Variants in ZSWIM5 observed in about 807,000 individuals in gnomAD.
ZSWIM5 encodes zinc finger SWIM-type containing 5.
A neutral mutation model predicts 119.6 loss-of-function variants in ZSWIM5; 55 were observed. The observed-to-expected ratio is 0.46, with a 90% confidence interval of 0.37 to 0.58. ZSWIM5 has a LOEUF of 0.58. Ranked by LOEUF, ZSWIM5 falls within the 20% of genes least tolerant of loss-of-function variation. The probability of loss-of-function intolerance (pLI) is 0.00; values close to 1 mark genes in which losing one functional copy is unlikely to be tolerated. For missense variants in ZSWIM5, 1,193 were observed against 1,512.8 expected (o/e 0.79, Z 3.51); for synonymous variants, 537 against 606.9 (o/e 0.88, Z 1.69).
chr1:45,034,594 G>T (rs2148991184), intron 10 of ZSWIM5, 125 bp from the exon 11 acceptor site: 2 of 1,204,116 alleles, frequency 1.7e-6, no homozygotes, highest in Admixed American at 2.7e-5. Context: ...GAGCTTTGAA[G>T]GTTTTTAAAC....
intron 1 of ZSWIM5, among the ~76,000 whole-genome samples, chr1:45,148,761 A>T (rs1645777694): frequency 6.6e-6 from 1 of 152,246 alleles, no homozygotes; most frequent in Non-Finnish European, 1.5e-5. Context: ...AGACAAAGCT[A>T]TACACAGTGA....
intron 1 of ZSWIM5, among the ~76,000 whole-genome samples, chr1:45,118,737 CAAAAAAA>C (rs60441320): frequency 0.22 from 21,379 of 95,338 alleles, 1,952 homozygotes; most frequent in African/African-American, 0.33. Flanking sequence ...GAACCTGTCT[CAAAAAAA>C]AAAAAAAAAA....
intron 1 of ZSWIM5, among the ~76,000 whole-genome samples, chr1:45,103,178 T>C (rs922414165): frequency 2.0e-5 from 3 of 152,208 alleles, no homozygotes; most frequent in Non-Finnish European, 2.9e-5. Context: ...CGGCTCATAA[T>C]TGATATTTAT....
At chr1:45,202,999 A>G (rs2149058255) in intron 1 of ZSWIM5, among the ~76,000 whole-genome samples, 1 of 152,142 alleles carries the variant, frequency 6.6e-6, no homozygotes, top group South Asian at 2.1e-4. Context: ...TATGTTTTCA[A>G]TAGAGTTCAT....
intron 2 of ZSWIM5, among the ~76,000 whole-genome samples, chr1:45,066,039 A>T: frequency 9.5e-6 from 1 of 105,578 alleles, no homozygotes; most frequent in African/African-American, 3.8e-5. Context: ...CAGTCCCCGG[A>T]GTGTGATGTT....
chr1:45,085,272 T>TG (rs1645320154), intron 2 of ZSWIM5, among the ~76,000 whole-genome samples: 1 of 152,200 alleles, frequency 6.6e-6, no homozygotes, highest in African/African-American at 2.4e-5. Flanking sequence ...GCCCTGGGCC[T>TG]GGCCTATGAA....
At chr1:45,121,867 C>T (rs1053533016) in intron 1 of ZSWIM5, among the ~76,000 whole-genome samples, 10 of 152,132 alleles carry the variant, frequency 6.6e-5, no homozygotes, top group African/African-American at 2.2e-4. Context: ...GGATTAGAGG[C>T]ATGAGCCACC....
intron 1 of ZSWIM5, among the ~76,000 whole-genome samples, chr1:45,120,236 C>T (rs541082717): frequency 7.3e-4 from 111 of 152,212 alleles, no homozygotes; most frequent in African/African-American, 2.6e-3. Flanking sequence ...CTCAGCTACT[C>T]GAGAGGCTGA....
chr1:45,084,197 T>C (rs1181536309), intron 2 of ZSWIM5, among the ~76,000 whole-genome samples: 1 of 152,158 alleles, frequency 6.6e-6, no homozygotes, highest in African/African-American at 2.4e-5. Context: ...GGTGTGAGCC[T>C]CTGCGCCTGG....
intron 4 of ZSWIM5, among the ~76,000 whole-genome samples, chr1:45,058,385 T>C (rs1360077637): frequency 6.6e-6 from 1 of 152,176 alleles, no homozygotes; most frequent in Non-Finnish European, 1.5e-5. Context: ...TTTCCACTTG[T>C]TAACATCTGG....
intron 1 of ZSWIM5, 48 bp downstream of exon 1, chr1:45,205,708 C>T: frequency 6.8e-7 from 1 of 1,467,672 alleles, no homozygotes; most frequent in Non-Finnish European, 9.1e-7. Flanking sequence ...AAGAGGCACC[C>T]GCGGAAGAGG....
Position 45,125,669 on chromosome 1 carries a change from G to A in ZSWIM5, c.596-37432C>T, listed in dbSNP as rs143495734. 1.8e-3 allele frequency among the ~76,000 whole-genome samples: 264 copies of A among 150,318 alleles called. 3 individuals are homozygous for A. Among genetic ancestry groups the A allele is most frequent in the African/African-American group, 6.2e-3 (253 of 40,834 alleles). On this transcript the variant is annotated intron_variant, in intron 1 of 13. Transcript: ENST00000359600. ...AGCGCCTGTAATCCCAGCTACTCGG[G>A]AGGCTGAGGCAGGAGAATCTCTTAA...
chr1:45,117,884 G>T (rs1645568276), intron 1 of ZSWIM5, among the ~76,000 whole-genome samples: 1 of 152,182 alleles, frequency 6.6e-6, no homozygotes, highest in Admixed American at 6.5e-5. Flanking sequence ...AAAAGCAGGT[G>T]TCAATCATTC....
intron 1 of ZSWIM5, among the ~76,000 whole-genome samples, chr1:45,099,483 G>T (rs1398957063): frequency 6.6e-6 from 1 of 152,122 alleles, no homozygotes; most frequent in Non-Finnish European, 1.5e-5. Flanking sequence ...AAGAGGAGCT[G>T]GTACCATTCC....
intron 11 of ZSWIM5, among the ~76,000 whole-genome samples, chr1:45,027,086 G>A (rs1644924857): frequency 1.3e-5 from 2 of 148,958 alleles, no homozygotes; most frequent in African/African-American, 4.9e-5. Context: ...TATGATATGA[G>A]TAATTTAGAT....
intron 1 of ZSWIM5, among the ~76,000 whole-genome samples, chr1:45,178,292 C>T (rs558160377): frequency 1.6e-4 from 25 of 152,122 alleles, no homozygotes; most frequent in Admixed American, 1.3e-3. Context: ...GGTGTGGTGG[C>T]GCATGCCTGT....
intron 1 of ZSWIM5, among the ~76,000 whole-genome samples, chr1:45,162,848 C>T (rs937379576): frequency 2.0e-5 from 3 of 152,252 alleles, no homozygotes; most frequent in Non-Finnish European, 2.9e-5. Flanking sequence ...GAGCCCACCA[C>T]AGCTCAAGGA....
chr1:45,185,421 G>A (rs916727045), intron 1 of ZSWIM5, among the ~76,000 whole-genome samples: 2 of 151,854 alleles, frequency 1.3e-5, no homozygotes, highest in African/African-American at 4.8e-5. Context: ...AAACGAAAGA[G>A]CTTCTGCACA....
Position 45,040,416 on chromosome 1 carries a change from C to T in ZSWIM5, c.1732G>A (p.Glu578Lys), listed in dbSNP as rs765442149. The change falls in exon 7 of 14, where the codon GAA (glutamate) becomes AAA (lysine). Residue 578 changes from glutamate to lysine, a missense_variant. Coordinates refer to ENST00000359600, the MANE Select transcript of ZSWIM5 (RefSeq NM_020883.2). ...TLRLQQQRQL[E>K]IYKHQKKELL... is the part of the protein sequence containing the mutation. ...CCTTTCTTCTGATGCTTGTAGATTT[C>T]CAGTTGCCGCTGCTGCTGCAACCTC... 1.2e-6 allele frequency: 2 copies of T among 1,611,116 alleles called. No homozygotes were observed. Among genetic ancestry groups the T allele is most frequent in the South Asian group, 1.1e-5 (1 of 90,104 alleles).
Sources: gnomAD v4.1 joint callset for allele counts (sites outside exome capture counted in the v4.1 genomes callset) on GRCh38, gnomAD v4.1.1 for gene constraint, MANE v1.5 for transcripts, NCBI Gene and HGNC (gene_info 2026-07-23, HGNC 2026-07-21) for gene names.